The following TENM2 variants were observed in gnomAD, a reference collection of about 807,000 sequenced individuals.
TENM2 encodes teneurin-2.
TENM2 carries 52 observed loss-of-function variants against 245.2 expected under a neutral mutation model. The ratio of observed to expected loss-of-function variants is 0.21; its 90% CI spans 0.17 to 0.27. The LOEUF is 0.27. Ranked by LOEUF, TENM2 falls within the 10% of genes least tolerant of loss-of-function variation. The pLI, the probability that TENM2 is intolerant of heterozygous loss-of-function variation, is 1.00. For synonymous variants in TENM2, 1,363 were observed against 1,438.9 expected, an observed-to-expected ratio of 0.95 and a Z score of 1.19; for missense variants, 3,046 against 3,666.8, an observed-to-expected ratio of 0.83 and a Z score of 4.37.
chr5:167,431,961 G>GTATATATTTATGTA (rs1764269915), intron 2 of TENM2, among the ~76,000 whole-genome samples: 1 of 43,602 alleles, frequency 2.3e-5, no homozygotes, highest in African/African-American at 5.1e-5. Flanking sequence ...ATATATATAT[G>GTATATATTTATGTA]TATATATATA....
intron 2 of TENM2, among the ~76,000 whole-genome samples, chr5:167,839,042 C>G (rs928027630): frequency 1.3e-5 from 2 of 152,160 alleles, no homozygotes; most frequent in Non-Finnish European, 2.9e-5. Context: ...AATGAAATGA[C>G]ACAGGTACAC....
chr5:167,221,421 T>G, the TENM2 span, among the ~76,000 whole-genome samples: 1 of 152,180 alleles, frequency 6.6e-6, no homozygotes, highest in African/African-American at 2.4e-5. Context: ...ATAGAGCCAA[T>G]ACAATACTCA....
chr5:167,872,394 G>T (rs1480166484), intron 2 of TENM2, among the ~76,000 whole-genome samples: 1 of 146,858 alleles, frequency 6.8e-6, no homozygotes, highest in African/African-American at 2.5e-5. Context: ...AAGAAGGAAA[G>T]AAAGGAAGAA....
At chr5:167,434,332 T>C (rs922341412) in intron 2 of TENM2, among the ~76,000 whole-genome samples, 4 of 144,388 alleles carry the variant, frequency 2.8e-5, no homozygotes, top group Non-Finnish European at 6.0e-5. Context: ...GAGAATCGAT[T>C]GAACCCGGGA....
chr5:167,825,911 A>G (rs893286797), intron 2 of TENM2, among the ~76,000 whole-genome samples: 52 of 151,518 alleles, frequency 3.4e-4, no homozygotes, highest in Non-Finnish European at 8.8e-5. Context: ...GCTCAAACCC[A>G]TCTCCACAGA....
chr5:167,365,460 A>G lies in TENM2; in HGVS notation c.227-9738A>G, dbSNP rs184810618. On this transcript the variant is annotated intron_variant, in intron 1 of 28. Transcript: ENST00000518659. ...AGGGAAATGGAAAATAAACAATACAATAAATTAAAGCCAACAGCTGTTTGA... is the reference window on the plus strand; with the variant it reads ...AGGGAAATGGAAAATAAACAATACAGTAAATTAAAGCCAACAGCTGTTTGA... Among the ~76,000 whole-genome samples, 12 of 152,044 alleles carry G rather than the reference A, an allele frequency of 7.9e-5. No individual in the cohort carries two copies. The East Asian group carries it at 2.3e-3, about 29-fold the overall frequency.
At chr5:167,996,775 G>A (rs1478693018) in intron 5 of TENM2, among the ~76,000 whole-genome samples, 1 of 151,514 alleles carries the variant, frequency 6.6e-6, no homozygotes, top group Non-Finnish European at 1.5e-5. Flanking sequence ...CCATTGTCCA[G>A]GTGCCCAGGC....
intron 5 of TENM2, among the ~76,000 whole-genome samples, chr5:168,045,380 T>C (rs1037997288): frequency 3.3e-5 from 5 of 152,246 alleles, no homozygotes; most frequent in African/African-American, 1.2e-4. Context: ...GGGATGTCTC[T>C]TCCTGTTCAG....
chr5:167,233,907 AGTGAAATG>A, the TENM2 span, among the ~76,000 whole-genome samples: 3 of 151,964 alleles, frequency 2.0e-5, no homozygotes, highest in African/African-American at 7.3e-5. Context: ...CACAGCTCAA[AGTGAAATG>A]GTGCTTTAAA....
intron 5 of TENM2, among the ~76,000 whole-genome samples, chr5:168,044,874 C>T (rs970788247): frequency 2.0e-5 from 3 of 151,688 alleles, no homozygotes; most frequent in Non-Finnish European, 2.9e-5. Flanking sequence ...CCCTCCCCAC[C>T]GGCCAGAGAG....
At chr5:167,909,514 C>G (rs1776380617) in intron 3 of TENM2, among the ~76,000 whole-genome samples, 1 of 152,020 alleles carries the variant, frequency 6.6e-6, no homozygotes, top group Non-Finnish European at 1.5e-5. Context: ...CAGATATTGC[C>G]CTTCATTTAT....
chr5:168,147,615 C>T (rs917347329), intron 12 of TENM2, among the ~76,000 whole-genome samples: 10 of 152,182 alleles, frequency 6.6e-5, no homozygotes, highest in Admixed American at 3.3e-4. Flanking sequence ...TCAACTAAAG[C>T]AGGCAATGCC....
chr5:167,885,603 A>G (rs1314389518), intron 3 of TENM2, among the ~76,000 whole-genome samples: 2 of 152,210 alleles, frequency 1.3e-5, no homozygotes, highest in African/African-American at 4.8e-5. Context: ...TCTTGCCCCA[A>G]TACAGACAAA....
At chr5:167,390,084 T>C (rs1412796949) in intron 2 of TENM2, among the ~76,000 whole-genome samples, 1 of 152,206 alleles carries the variant, frequency 6.6e-6, no homozygotes, top group African/African-American at 2.4e-5. Context: ...TTAAAAAGTG[T>C]TCACTTATTG....
chr5:167,470,675 TCAATGATC>T (rs1766968831), intron 2 of TENM2, among the ~76,000 whole-genome samples: 1 of 151,986 alleles, frequency 6.6e-6, no homozygotes, highest in Non-Finnish European at 1.5e-5. Context: ...CCTCCTCTAC[TCAATGATC>T]TGAAAGAGGC....
the TENM2 span, among the ~76,000 whole-genome samples, chr5:167,031,970 T>C: frequency 6.6e-6 from 1 of 152,162 alleles, no homozygotes; most frequent in Non-Finnish European, 1.5e-5. Context: ...GCAGGACATT[T>C]TCTAATCATG....
chr5:167,798,839 T>G (rs1193122323), intron 2 of TENM2, among the ~76,000 whole-genome samples: 1 of 152,184 alleles, frequency 6.6e-6, no homozygotes, highest in Non-Finnish European at 1.5e-5. Flanking sequence ...GGGAGCTATT[T>G]TATCTTTTTA....
At chr5:168,217,020 G>C in intron 22 of TENM2, 98 bp downstream of exon 24, 1 of 1,317,018 alleles carries the variant, frequency 7.6e-7, no homozygotes, top group Non-Finnish European at 1.1e-6. Context: ...GAATGGGAGG[G>C]AGAGATACAG....
intron 1 of TENM2, among the ~76,000 whole-genome samples, chr5:167,309,394 C>T (rs1057123154): frequency 2.6e-5 from 4 of 152,134 alleles, no homozygotes; most frequent in Admixed American, 6.6e-5. Context: ...TTGAGAATAT[C>T]GTAAGTCGAA....
Sources: allele counts gnomAD v4.1 joint callset (sites outside exome capture counted in the v4.1 genomes callset), GRCh38; gene constraint gnomAD v4.1.1; transcripts MANE v1.5; gene names NCBI Gene and HGNC (gene_info 2026-07-23, HGNC 2026-07-21).